NEGR1: variants seen among roughly 807,000 people sequenced by gnomAD.
NEGR1 encodes IgLON family member 4.
In NEGR1, 10 loss-of-function variants were observed where a neutral mutation model predicts 40.9. The ratio of observed to expected loss-of-function variants is 0.24; its 90% CI spans 0.15 to 0.42. The LOEUF is 0.42. NEGR1 is among the 10% of genes least tolerant of loss of function. NEGR1 has a pLI of 1.00. For missense variants in NEGR1, 352 were observed against 438.9 expected (o/e 0.80, Z 1.77); for synonymous variants, 185 against 166.8 (o/e 1.11, Z -0.84).
intron 4 of NEGR1, among the ~76,000 whole-genome samples, chr1:71,667,528 G>T (rs540887243): frequency 1.3e-5 from 2 of 152,298 alleles, no homozygotes; most frequent in Non-Finnish European, 2.9e-5. Flanking sequence ...CTGGTGTCTG[G>T]TAAGAGACAG....
chr1:71,886,735 A>G (rs1428835827), intron 2 of NEGR1, among the ~76,000 whole-genome samples: 1 of 152,110 alleles, frequency 6.6e-6, no homozygotes, highest in Non-Finnish European at 1.5e-5. Context: ...ACTAGTTGAG[A>G]ACTGTTCATT....
chr1:71,862,246 A>G (rs189340297), intron 2 of NEGR1, among the ~76,000 whole-genome samples: 20 of 152,240 alleles, frequency 1.3e-4, no homozygotes, highest in Admixed American at 1.1e-3. Flanking sequence ...TTAAGGACAT[A>G]ACTAAAAAGG....
At position 71,407,574 on chromosome 1, in the gene NEGR1, G is replaced by C. The variant is rs772446116; in HGVS notation, c.941-4C>G. On this transcript the variant is annotated splice_polypyrimidine_tract_variant and splice_region_variant and intron_variant, in intron 6 of 6. Transcript: ENST00000357731. ...CCATACTGGGCTGTACTTGGAGCTG[G>C]AAAGAAATGGAAAAGATTAAATCAA... 4.3e-6 allele frequency: 7 copies of C among 1,610,446 alleles called. No individual in the cohort carries two copies. In the Admixed American group the frequency reaches 6.7e-5, roughly 15 times the overall value.
intron 1 of NEGR1, among the ~76,000 whole-genome samples, chr1:71,976,305 T>C (rs904835601): frequency 1.3e-5 from 2 of 152,182 alleles, no homozygotes; most frequent in African/African-American, 4.8e-5. Context: ...ACTGAAGCAA[T>C]GCGGATCCCA....
chr1:72,100,143 C>G (rs1648878248), intron 1 of NEGR1, among the ~76,000 whole-genome samples: 2 of 152,026 alleles, frequency 1.3e-5, no homozygotes, highest in Admixed American at 1.3e-4. Flanking sequence ...TTTTCTGTTT[C>G]TGAAGAATAA....
At chr1:71,776,013 A>G (rs1656493606) in intron 3 of NEGR1, among the ~76,000 whole-genome samples, 159 bp downstream of exon 3, 1 of 150,858 alleles carries the variant, frequency 6.6e-6, no homozygotes, top group South Asian at 2.1e-4. Flanking sequence ...AAATAAATAA[A>G]TAAATAAATA....
chr1:71,481,656 T>C (rs1210536249), intron 6 of NEGR1, among the ~76,000 whole-genome samples: 1 of 151,958 alleles, frequency 6.6e-6, no homozygotes, highest in East Asian at 1.9e-4. Context: ...GTATGTTCTT[T>C]CAAAACACAA....
intron 2 of NEGR1, among the ~76,000 whole-genome samples, chr1:71,857,626 CAAAAAAAAA>C (rs59343025): frequency 1.1e-4 from 6 of 53,432 alleles, no homozygotes; most frequent in South Asian, 8.9e-4. Context: ...GATCCTGTCT[CAAAAAAAAA>C]AAAAAAAAAA....
intron 2 of NEGR1, among the ~76,000 whole-genome samples, chr1:71,924,761 T>C (rs1645756493): frequency 6.6e-6 from 1 of 152,200 alleles, no homozygotes; most frequent in African/African-American, 2.4e-5. Context: ...GGTGTCTTAT[T>C]TGTTACTTTT....
intron 6 of NEGR1, among the ~76,000 whole-genome samples, chr1:71,559,885 T>C (rs1228383780): frequency 6.6e-6 from 1 of 151,470 alleles, no homozygotes; most frequent in African/African-American, 2.4e-5. Flanking sequence ...GTATTTCTTG[T>C]TCTTTAAAAG....
chr1:71,581,727 G>A (rs1006448342), intron 6 of NEGR1, among the ~76,000 whole-genome samples: 34 of 144,398 alleles, frequency 2.4e-4, no homozygotes, highest in African/African-American at 3.8e-4. Context: ...ATTTGAGACC[G>A]GGTCTCACTC....
At chr1:72,133,315 C>A (rs137918108) in intron 1 of NEGR1, among the ~76,000 whole-genome samples, 9 of 152,014 alleles carry the variant, frequency 5.9e-5, no homozygotes, top group Admixed American at 1.3e-4. Flanking sequence ...TTTGTACATG[C>A]AGAATATATT....
At chr1:71,539,287 C>G (rs1218199987) in intron 6 of NEGR1, among the ~76,000 whole-genome samples, 2 of 151,756 alleles carry the variant, frequency 1.3e-5, no homozygotes, top group East Asian at 2.0e-4. Context: ...AATATTTCAT[C>G]TTGTAAGTGA....
intron 6 of NEGR1, among the ~76,000 whole-genome samples, chr1:71,415,862 G>A (rs1365316732): frequency 1.3e-5 from 2 of 152,254 alleles, no homozygotes; most frequent in East Asian, 3.9e-4. Context: ...AGGCTGGTTT[G>A]CAAATGGGTT....
At chr1:71,628,276 T>C (rs915381750) in intron 4 of NEGR1, among the ~76,000 whole-genome samples, 15 of 152,042 alleles carry the variant, frequency 9.9e-5, no homozygotes, top group Non-Finnish European at 2.1e-4. Context: ...TAAACTTATG[T>C]ATTTCCCTAA....
At chr1:71,746,621 A>T (rs551587693) in intron 3 of NEGR1, among the ~76,000 whole-genome samples, 1 of 151,408 alleles carries the variant, frequency 6.6e-6, no homozygotes, top group South Asian at 2.1e-4. Flanking sequence ...AGCTAAATCC[A>T]TTTTCCTCAA....
chr1:72,033,190 C>A (rs1411371088), intron 1 of NEGR1, among the ~76,000 whole-genome samples: 1 of 151,996 alleles, frequency 6.6e-6, no homozygotes, highest in East Asian at 1.9e-4. Context: ...TTTACTTAAG[C>A]AACTATAAAA....
chr1:71,611,200 A>G, intron 4 of NEGR1, 54 bp from the exon 5 acceptor site: 2 of 1,513,962 alleles, frequency 1.3e-6, no homozygotes, highest in Non-Finnish European at 1.8e-6. Context: ...ATAATCCTCA[A>G]CAGAAATATG....
chr1:71,622,822 C>T (rs916771451), intron 4 of NEGR1, among the ~76,000 whole-genome samples: 1 of 151,828 alleles, frequency 6.6e-6, no homozygotes, highest in Non-Finnish European at 1.5e-5. Context: ...TTTCCTTCTG[C>T]TCTCAGAGCC....
Sources: gnomAD v4.1 joint callset for allele counts (sites outside exome capture counted in the v4.1 genomes callset) on GRCh38, gnomAD v4.1.1 for gene constraint, MANE v1.5 for transcripts, NCBI Gene and HGNC (gene_info 2026-07-23, HGNC 2026-07-21) for gene names.